HMGCL: variants seen among roughly 807,000 people sequenced by gnomAD.
The protein encoded by HMGCL is hydroxymethylglutaryl-CoA lyase, mitochondrial.
In HMGCL, 26 loss-of-function variants were observed where a neutral mutation model predicts 37.3. That is an observed-to-expected ratio of 0.70 (90% CI 0.51 to 0.97). The LOEUF (loss-of-function observed/expected upper bound fraction) is 0.97. HMGCL is among the 50% of genes least tolerant of loss of function. The probability of loss-of-function intolerance (pLI) is 0.00; values close to 1 mark genes in which losing one functional copy is unlikely to be tolerated. For synonymous variants in HMGCL, 151 were observed against 148.0 expected (o/e 1.02, Z -0.15); for missense variants, 379 against 398.1 (o/e 0.95, Z 0.41).
At position 23,820,607 on chromosome 1, in the gene HMGCL, GA is replaced by G. The variant is rs774487624; in HGVS notation, c.61-15del. 4 of 1,598,312 alleles carry G rather than the reference GA, an allele frequency of 2.5e-6. No homozygotes were observed. Among genetic ancestry groups the G allele is most frequent in the Non-Finnish European group, 3.4e-6 (4 of 1,165,668 alleles). ...TGAGGTGCTGACCTTTGGTTTAAAA[GA>G]GGAAACAAAAAGTATGAGGAAGAGA... On this transcript the variant is annotated splice_polypyrimidine_tract_variant and intron_variant, in intron 1 of 8. Transcript: ENST00000374490.
chr1:23,807,365 CAG>C, intron 7 of HMGCL: 1 of 423,480 alleles, frequency 2.4e-6, no homozygotes, highest in Non-Finnish European at 4.7e-6. Flanking sequence ...CAGAACATAA[CAG>C]ACTCACCTGG....
At chr1:23,808,354 C>A in intron 6 of HMGCL, 31 bp from the exon 7 acceptor site, 1 of 1,582,004 alleles carries the variant, frequency 6.3e-7, no homozygotes, top group Non-Finnish European at 8.7e-7. Flanking sequence ...TTGGAGGATA[C>A]AGAATCCACC....
chr1:23,814,207 G>C lies in HMGCL; in HGVS notation c.480C>G (p.Ala160=). ...FDAILKAAQS[A]NISVRGYVSC... is the part of the protein sequence containing the mutation. ...TGACTCACCCCCGCACAGAAATATTGGCTGACTGCGCTGCCTTCAGGATTG... is the reference window on the plus strand; with the variant it reads ...TGACTCACCCCCGCACAGAAATATTCGCTGACTGCGCTGCCTTCAGGATTG... The change falls in exon 5 of 9, where the codon GCC becomes GCG. Residue 160 remains alanine (A), a synonymous_variant. Transcript: ENST00000374490. The C allele has an allele frequency of 6.2e-7, 1 of 1,613,868 alleles. No individual in the cohort carries two copies. The highest frequency in any genetic ancestry group is 8.5e-7 in the Non-Finnish European group (1 of 1,180,010).
intron 1 of HMGCL, among the ~76,000 whole-genome samples, chr1:23,823,279 G>A (rs1227156294): frequency 6.6e-6 from 1 of 150,534 alleles, no homozygotes; most frequent in Non-Finnish European, 1.5e-5. Flanking sequence ...CCCCGTAACA[G>A]CTCTTCACAT....
At chr1:23,819,759 G>C (rs1422008225) in intron 2 of HMGCL, among the ~76,000 whole-genome samples, 2 of 150,134 alleles carry the variant, frequency 1.3e-5, no homozygotes, top group Non-Finnish European at 2.9e-5. Context: ...ACGCGCGCGT[G>C]CGTACGCGCA....
At chr1:23,822,530 G>A (rs143946968) in intron 1 of HMGCL, among the ~76,000 whole-genome samples, 9 of 152,142 alleles carry the variant, frequency 5.9e-5, no homozygotes, top group Admixed American at 2.6e-4. Context: ...TGTGTGATCC[G>A]CTAAGGATCT....
At chr1:23,805,962 TAAG>T (rs1437710240) in intron 7 of HMGCL, among the ~76,000 whole-genome samples, 3 of 151,684 alleles carry the variant, frequency 2.0e-5, no homozygotes, top group Admixed American at 1.3e-4. Flanking sequence ...TTTTTTTTGA[TAAG>T]AAGTCTCACT....
chr1:23,815,931 C>G (rs1339997975), intron 4 of HMGCL, among the ~76,000 whole-genome samples: 3 of 141,992 alleles, frequency 2.1e-5, no homozygotes, highest in Non-Finnish European at 4.6e-5. Flanking sequence ...TGAGAAAAAG[C>G]TTTTTTTTTT....
intron 1 of HMGCL, among the ~76,000 whole-genome samples, 164 bp downstream of exon 1, chr1:23,825,192 A>T (rs1207061715): frequency 6.6e-6 from 1 of 152,042 alleles, no homozygotes; most frequent in Non-Finnish European, 1.5e-5. Context: ...CCTTCAAAGG[A>T]TTTGAGGGGA....
chr1:23,824,011 G>GCCTCTTTA (rs1638770716), intron 1 of HMGCL, among the ~76,000 whole-genome samples: 1 of 152,128 alleles, frequency 6.6e-6, no homozygotes, highest in Non-Finnish European at 1.5e-5. Flanking sequence ...TAACCTCTGG[G>GCCTCTTTA]CCACTGTTGC....
Position 23,802,580 on chromosome 1 carries a change from T to A in HMGCL, c.877-16A>T, listed in dbSNP as rs763250288. On this transcript the variant is annotated splice_polypyrimidine_tract_variant and intron_variant, in intron 8 of 8. Transcript: ENST00000374490. The stretch of plus-strand genomic sequence containing the variant: ...GATTCACACCCTTTGAGAAACAAGT[T>A]AGAGGATGCGGTAAGTCATGGTATG... The A allele has an allele frequency of 1.9e-6, 3 of 1,547,530 alleles. No individual in the cohort carries two copies. The East Asian group carries it at 6.7e-5, about 35-fold the overall frequency.
At chr1:23,816,088 A>AT (rs35297134) in intron 4 of HMGCL, among the ~76,000 whole-genome samples, 35,314 of 130,298 alleles carry the variant, frequency 0.27, 5,153 homozygotes, top group Non-Finnish European at 0.35. Context: ...CAGCTAATTG[A>AT]TTTTTTTTTT....
chr1:23,804,272 G>A (rs1638357573), intron 8 of HMGCL, 128 bp downstream of exon 8: 3 of 1,167,386 alleles, frequency 2.6e-6, no homozygotes, highest in Non-Finnish European at 3.7e-6. Context: ...CACTGCGCCT[G>A]GCTAACCCTT....
intron 7 of HMGCL, among the ~76,000 whole-genome samples, chr1:23,807,878 G>A (rs1344689418): frequency 6.6e-6 from 1 of 152,064 alleles, no homozygotes. Context: ...GCCCCTCTAG[G>A]CTTCCTGAGC....
At chr1:23,811,013 A>AGCAGAAGTT (rs1416822483) in intron 5 of HMGCL, among the ~76,000 whole-genome samples, 1 of 152,180 alleles carries the variant, frequency 6.6e-6, no homozygotes, top group Non-Finnish European at 1.5e-5. Flanking sequence ...CAATTGAGGA[A>AGCAGAAGTT]GCAGAAGTTG....
intron 1 of HMGCL, among the ~76,000 whole-genome samples, chr1:23,821,655 T>C (rs927080662): frequency 6.6e-6 from 1 of 151,516 alleles, no homozygotes; most frequent in Non-Finnish European, 1.5e-5. Flanking sequence ...CGAGACCCTG[T>C]CTCAAAAAAA....
intron 5 of HMGCL, among the ~76,000 whole-genome samples, chr1:23,813,456 T>A (rs373636573): frequency 6.6e-6 from 1 of 151,736 alleles, no homozygotes; most frequent in South Asian, 2.1e-4. Flanking sequence ...TTAGTAGAGA[T>A]GGGGTTTCAC....
In HMGCL at chr1:23,820,641, A is replaced by AT. The variant is rs1638702366; in HGVS notation, c.61-49_61-48insA. ...AAAAGTATGAGGAAGAGATTGCCACAATTCCCAGGGAGACCAATATGAAAG... is the reference window on the plus strand; with the variant it reads ...AAAAGTATGAGGAAGAGATTGCCACATATTCCCAGGGAGACCAATATGAAAG... On this transcript the variant is annotated intron_variant, in intron 1 of 8. Transcript: ENST00000374490. The AT allele has an allele frequency of 2.4e-6, 3 of 1,265,676 alleles. No homozygotes were observed. The African/African-American group carries it at 4.4e-5, about 19-fold the overall frequency. The allele number at this position is 1,265,676 out of a possible 1,614,324, so 78.4% of individuals were successfully genotyped here.
At chr1:23,818,424 G>A (rs539992457) in intron 2 of HMGCL, among the ~76,000 whole-genome samples, 5 of 152,230 alleles carry the variant, frequency 3.3e-5, no homozygotes, top group Middle Eastern at 6.8e-3. Context: ...ACTGCACTGA[G>A]TGACACAGAG....
Sources: allele counts gnomAD v4.1 joint callset (sites outside exome capture counted in the v4.1 genomes callset), GRCh38; gene constraint gnomAD v4.1.1; transcripts MANE v1.5; gene names NCBI Gene and HGNC (gene_info 2026-07-23, HGNC 2026-07-21).